The following ATRNL1 variants were observed in gnomAD, a reference collection of about 807,000 sequenced individuals.
ATRNL1 encodes the protein attractin like 1, also known as attractin-like protein 1.
ATRNL1 carries 95 observed loss-of-function variants against 182.7 expected under a neutral mutation model. That is an observed-to-expected ratio of 0.52 (90% CI 0.44 to 0.62). The LOEUF (loss-of-function observed/expected upper bound fraction) is 0.62. Ranked by LOEUF, ATRNL1 falls within the 20% of genes least tolerant of loss-of-function variation. ATRNL1 has a pLI of 0.00. For missense variants in ATRNL1, 1,471 were observed against 1,679.5 expected, an observed-to-expected ratio of 0.88 and a Z score of 2.17; for synonymous variants, 576 against 568.3, an observed-to-expected ratio of 1.01 and a Z score of -0.19.
intron 18 of ATRNL1, among the ~76,000 whole-genome samples, chr10:115,317,809 G>T (rs1313521291): frequency 1.3e-5 from 2 of 152,116 alleles, no homozygotes; most frequent in Non-Finnish European, 2.9e-5. Context: ...AAATGATGGG[G>T]TTTTCTAAAC....
chr10:115,752,685 C>G (rs1244236249), intron 27 of ATRNL1, among the ~76,000 whole-genome samples: 1 of 152,036 alleles, frequency 6.6e-6, no homozygotes, highest in Non-Finnish European at 1.5e-5. Context: ...AAAGAAGCCT[C>G]TATAGCGCTT....
intron 21 of ATRNL1, among the ~76,000 whole-genome samples, chr10:115,451,628 G>A (rs1252004989): frequency 5.3e-5 from 8 of 152,198 alleles, no homozygotes; most frequent in Non-Finnish European, 1.5e-5. Flanking sequence ...TGGTGAGGTT[G>A]TGGAGAAAAG....
At chr10:115,229,517 C>G (rs1032673087) in intron 9 of ATRNL1, among the ~76,000 whole-genome samples, 1 of 151,714 alleles carries the variant, frequency 6.6e-6, no homozygotes, top group Admixed American at 6.6e-5. Context: ...CTAAGTAGTT[C>G]TCAGTAAGGG....
At chr10:115,585,395 T>C (rs1342713922) in intron 26 of ATRNL1, among the ~76,000 whole-genome samples, 13 of 117,670 alleles carry the variant, frequency 1.1e-4, no homozygotes, top group Non-Finnish European at 2.0e-4. Flanking sequence ...AGTCTCTTTG[T>C]AGGTCACTCA....
chr10:115,721,868 A>T (rs1479865627), intron 26 of ATRNL1, among the ~76,000 whole-genome samples: 1 of 152,204 alleles, frequency 6.6e-6, no homozygotes, highest in East Asian at 1.9e-4. Context: ...AGACCTGATG[A>T]CAGTGAAAGG....
chr10:115,187,639 A>G (rs1213227420), intron 8 of ATRNL1, among the ~76,000 whole-genome samples: 2 of 139,164 alleles, frequency 1.4e-5, no homozygotes, highest in Admixed American at 7.2e-5. Context: ...TAATTGCAAT[A>G]TGGTTATGTA....
intron 26 of ATRNL1, among the ~76,000 whole-genome samples, chr10:115,675,657 A>C (rs1224714320): frequency 6.6e-6 from 1 of 152,058 alleles, no homozygotes; most frequent in African/African-American, 2.4e-5. Context: ...AGAACGGAAA[A>C]ATGCAAAAGG....
At chr10:115,430,208 A>G (rs1204202811) in intron 21 of ATRNL1, among the ~76,000 whole-genome samples, 1 of 152,186 alleles carries the variant, frequency 6.6e-6, no homozygotes, top group Non-Finnish European at 1.5e-5. Context: ...TAGGTATTTC[A>G]ACAAAAATTT....
chr10:115,327,216 A>G lies in ATRNL1; in HGVS notation c.3038-7066A>G, dbSNP rs545598204. Among the ~76,000 whole-genome samples the G allele has an allele frequency of 8.5e-3, 1,289 of 151,750 alleles. 8 individuals are homozygous for G. The highest frequency in any genetic ancestry group is 0.028 in the African/African-American group (1,178 of 41,400). ...AAAGGGCTAATATCCAGAATCTACAATGAACTCAAACAAATTTACAAGAAA... is the reference window on the plus strand; with the variant it reads ...AAAGGGCTAATATCCAGAATCTACAGTGAACTCAAACAAATTTACAAGAAA... On this transcript the variant is annotated intron_variant, in intron 18 of 28. Coordinates refer to ENST00000355044, the MANE Select transcript of ATRNL1 (RefSeq NM_207303.4).
chr10:115,657,750 G>A (rs1361273766), intron 26 of ATRNL1, among the ~76,000 whole-genome samples: 4 of 151,970 alleles, frequency 2.6e-5, no homozygotes, highest in Non-Finnish European at 5.9e-5. Flanking sequence ...ACATCCCTTT[G>A]GGATGTCACT....
At chr10:115,281,305 A>ACTTC (rs781841051) in intron 13 of ATRNL1, 50 bp from the exon 14 acceptor site, 17 of 1,527,818 alleles carry the variant, frequency 1.1e-5, no homozygotes, top group Non-Finnish European at 1.5e-5. Flanking sequence ...GAAGTTTAAG[A>ACTTC]ATCATTGCTG....
In ATRNL1 at chr10:115,774,112, C is replaced by T. The variant is rs1420853207; in HGVS notation, c.3903+46757C>T. 2.0e-5 allele frequency among the ~76,000 whole-genome samples: 3 copies of T among 152,082 alleles called. No homozygotes were observed. In the East Asian group the frequency reaches 5.8e-4, roughly 29 times the overall value. The stretch of plus-strand genomic sequence containing the variant: ...ATCCTAGAATAACCAATAATTTCCC[C>T]AGCCCCAGGTGTGGAGTTAGGATGA... On this transcript the variant is annotated intron_variant, in intron 27 of 28. Coordinates refer to ENST00000355044, the MANE Select transcript of ATRNL1 (RefSeq NM_207303.4).
intron 18 of ATRNL1, among the ~76,000 whole-genome samples, chr10:115,326,202 A>T (rs1854871975): frequency 6.6e-6 from 1 of 152,142 alleles, no homozygotes; most frequent in African/African-American, 2.4e-5. Context: ...CTCAGCCCAA[A>T]ATCTCCTTAA....
chr10:115,347,480 A>G (rs1423548851), intron 19 of ATRNL1, among the ~76,000 whole-genome samples: 3 of 152,210 alleles, frequency 2.0e-5, no homozygotes, highest in South Asian at 4.1e-4. Flanking sequence ...GTAAACATTT[A>G]TTACTATTCT....
intron 26 of ATRNL1, chr10:115,597,784 C>T (rs782004659): frequency 1.6e-5 from 6 of 374,836 alleles, no homozygotes; most frequent in Middle Eastern, 8.9e-4. Context: ...ATCTGCCCAC[C>T]TCGGCCTCCT....
chr10:115,767,576 A>G (rs1593189389), intron 27 of ATRNL1, among the ~76,000 whole-genome samples: 1 of 151,972 alleles, frequency 6.6e-6, no homozygotes, highest in East Asian at 1.9e-4. Flanking sequence ...CTCCTAAACT[A>G]CTTTTTCTTT....
intron 8 of ATRNL1, among the ~76,000 whole-genome samples, chr10:115,206,969 G>C (rs914630738): frequency 1.3e-5 from 2 of 152,122 alleles, no homozygotes; most frequent in African/African-American, 2.4e-5. Context: ...ATAGTTTGCT[G>C]AGAATGATGG....
chr10:115,439,230 C>G (rs1846548482), intron 21 of ATRNL1, among the ~76,000 whole-genome samples: 1 of 151,718 alleles, frequency 6.6e-6, no homozygotes. Flanking sequence ...GTCTTCCTGT[C>G]TCAGAGGTGG....
At position 115,738,447 on chromosome 10, in the gene ATRNL1, T is replaced by C. The variant is rs567708387; in HGVS notation, c.3903+11092T>C. ...GAGCTGCCATGCCCAGCCATGATTT[T>C]TTATTTTAAGAAAATTATTTACAAT... On this transcript the variant is annotated intron_variant, in intron 27 of 28. Transcript: ENST00000355044. Among the ~76,000 whole-genome samples the C allele has an allele frequency of 2.0e-4, 30 of 152,194 alleles. 1 individual carries two copies. In the East Asian group the frequency reaches 5.8e-3, roughly 29 times the overall value.
Sources: gnomAD v4.1 joint callset for allele counts (sites outside exome capture counted in the v4.1 genomes callset) on GRCh38, gnomAD v4.1.1 for gene constraint, MANE v1.5 for transcripts, NCBI Gene and HGNC (gene_info 2026-07-23, HGNC 2026-07-21) for gene names.